EPB41L2: variants seen among roughly 807,000 people sequenced by gnomAD.
EPB41L2 encodes band 4.1-like protein 2.
A neutral mutation model predicts 113.0 loss-of-function variants in EPB41L2; 43 were observed. The observed-to-expected ratio is 0.38, with a 90% confidence interval of 0.30 to 0.49. The LOEUF is 0.49. Among genes scored for constraint, EPB41L2 ranks in the 20% least tolerant of loss-of-function variants. The probability of loss-of-function intolerance (pLI) is 0.95; values close to 1 mark genes in which losing one functional copy is unlikely to be tolerated. For missense variants in EPB41L2, 1,147 were observed against 1,223.4 expected (o/e 0.94, Z 0.93); for synonymous variants, 442 against 436.7 (o/e 1.01, Z -0.15).
At position 130,991,598 on chromosome 6, in the gene EPB41L2, C is replaced by T. The variant is rs542052206; in HGVS notation, c.-14-35099G>A. ...GCAATGTCCAATATTACTTGAACTC[C>T]ACTACGTATCTACTTCTTTTTTTAT... On this transcript the variant is annotated intron_variant, in intron 1 of 19. Transcript: ENST00000337057. 2.6e-5 allele frequency among the ~76,000 whole-genome samples: 4 copies of T among 152,268 alleles called. No homozygotes were observed. The East Asian group carries it at 7.7e-4, about 29-fold the overall frequency.
intron 1 of EPB41L2, among the ~76,000 whole-genome samples, chr6:131,012,176 G>A (rs930601190): frequency 6.6e-6 from 1 of 151,874 alleles, no homozygotes. Context: ...CTGCACTCCA[G>A]GCTGGGCAAC....
At chr6:130,859,913 C>A (rs905265537) in intron 18 of EPB41L2, among the ~76,000 whole-genome samples, 1 of 152,140 alleles carries the variant, frequency 6.6e-6, no homozygotes, top group Non-Finnish European at 1.5e-5. Flanking sequence ...CCAATCTGGG[C>A]AGTAGCAGAA....
intron 15 of EPB41L2, chr6:130,867,921 A>G (rs1367156677): frequency 3.0e-6 from 1 of 329,060 alleles, no homozygotes; most frequent in Non-Finnish European, 5.8e-6. Context: ...CTTTTATGTC[A>G]AGCCTAGTGT....
rs1378576319 is a variant in EPB41L2, at chr6:130,869,915, T to G, written c.2255A>C (p.Asp752Ala). The G allele has an allele frequency of 1.9e-6, 3 of 1,612,754 alleles. No individual in the cohort carries two copies. The highest frequency in any genetic ancestry group is 4.5e-5 in the East Asian group (2 of 44,862). Reference protein sequence around the residue: ...SSSSSESEEEDVGEYRPHHRV... With the variant: ...SSSSSESEEEAVGEYRPHHRV... ...GTGGTGGGGACGGTACTCTCCCACG[T>G]CTTCCTCCTCACTCTCACTGCTGCT... Residue 752 changes from aspartate to alanine, a missense_variant, in exon 15 of 20, where the codon GAC becomes GCC. Physicochemically the swap from Asp to Ala is moderately radical, Grantham distance 126 (BLOSUM62 -2). Coordinates refer to ENST00000337057, the MANE Select transcript of EPB41L2 (RefSeq NM_001431.4).
intron 4 of EPB41L2, among the ~76,000 whole-genome samples, chr6:130,925,837 G>A (rs1293981355): frequency 6.6e-6 from 1 of 152,128 alleles, no homozygotes; most frequent in African/African-American, 2.4e-5. Context: ...GTATTCAGCA[G>A]GCAGGCATGT....
intron 1 of EPB41L2, among the ~76,000 whole-genome samples, chr6:131,010,394 T>C (rs939805792): frequency 4.0e-5 from 6 of 151,432 alleles, no homozygotes; most frequent in East Asian, 1.9e-4. Flanking sequence ...TTCTTCCTGA[T>C]AGAAATAAAG....
chr6:130,875,825 G>A (rs971203158), intron 14 of EPB41L2, among the ~76,000 whole-genome samples: 14 of 151,786 alleles, frequency 9.2e-5, no homozygotes, highest in South Asian at 8.3e-4. Context: ...GTGAAACCCC[G>A]TCTCAACTAA....
chr6:130,863,502 A>G (rs1782785722), intron 18 of EPB41L2, 136 bp downstream of exon 18: 2 of 603,570 alleles, frequency 3.3e-6, no homozygotes, highest in Non-Finnish European at 5.9e-6. Flanking sequence ...CTGTGTCTTT[A>G]TGTCCTGCTT....
At chr6:131,037,584 A>ATT (rs1328285948) in intron 1 of EPB41L2, among the ~76,000 whole-genome samples, 1,192 of 101,814 alleles carry the variant, frequency 0.012, 6 homozygotes, top group South Asian at 0.026. Context: ...GAAAACCTAA[A>ATT]ATTTTTTTTT....
intron 1 of EPB41L2, among the ~76,000 whole-genome samples, chr6:130,963,508 T>C (rs573380237): frequency 5.0e-4 from 76 of 152,268 alleles, no homozygotes; most frequent in African/African-American, 1.7e-3. Context: ...AACATATGAG[T>C]CCCTTTCTTC....
At chr6:130,898,960 C>T (rs1009764142) in intron 8 of EPB41L2, among the ~76,000 whole-genome samples, 2 of 152,102 alleles carry the variant, frequency 1.3e-5, no homozygotes, top group Admixed American at 1.3e-4. Flanking sequence ...ACTGAAGGTG[C>T]TTTATCACCC....
At chr6:130,888,056 T>C (rs995377773) in intron 11 of EPB41L2, among the ~76,000 whole-genome samples, 1 of 152,334 alleles carries the variant, frequency 6.6e-6, no homozygotes, top group Admixed American at 6.5e-5. Context: ...GTGAGGCTAA[T>C]ATACCTAAAT....
intron 4 of EPB41L2, among the ~76,000 whole-genome samples, chr6:130,919,541 T>G (rs138994647): frequency 6.6e-6 from 1 of 152,168 alleles, no homozygotes; most frequent in Admixed American, 6.5e-5. Context: ...TTCAACATCT[T>G]TGAACATTCA....
chr6:130,996,068 G>C (rs1202776968), intron 1 of EPB41L2, among the ~76,000 whole-genome samples: 2 of 152,136 alleles, frequency 1.3e-5, no homozygotes, highest in Non-Finnish European at 2.9e-5. Context: ...CTCTTCTTTG[G>C]AGAGGGACTG....
At chr6:130,913,283 C>A (rs1488456760) in intron 4 of EPB41L2, among the ~76,000 whole-genome samples, 1 of 152,210 alleles carries the variant, frequency 6.6e-6, no homozygotes, top group Non-Finnish European at 1.5e-5. Context: ...TTACTGAAGG[C>A]TGAAATGGCT....
intron 19 of EPB41L2, among the ~76,000 whole-genome samples, chr6:130,840,839 G>C (rs1221896143): frequency 7.9e-5 from 12 of 152,090 alleles, no homozygotes; most frequent in Admixed American, 7.2e-4. Flanking sequence ...GCAAATAAGA[G>C]TTCACTGCAA....
intron 1 of EPB41L2, among the ~76,000 whole-genome samples, chr6:131,009,392 T>A (rs565130686): frequency 1.3e-5 from 2 of 152,192 alleles, no homozygotes; most frequent in African/African-American, 4.8e-5. Context: ...CTCGGGTATT[T>A]GTTCATAGCA....
chr6:130,967,871 A>G (rs1160898856), intron 1 of EPB41L2, among the ~76,000 whole-genome samples: 1 of 152,156 alleles, frequency 6.6e-6, no homozygotes, highest in African/African-American at 2.4e-5. Context: ...GGGAACATTT[A>G]TTTGGGCCAC....
intron 4 of EPB41L2, among the ~76,000 whole-genome samples, chr6:130,925,433 C>T (rs1439596064): frequency 1.3e-5 from 2 of 152,106 alleles, no homozygotes; most frequent in Non-Finnish European, 2.9e-5. Context: ...AAGTGATCCG[C>T]CCGCCTCGGC....
Sources: allele counts gnomAD v4.1 joint callset (sites outside exome capture counted in the v4.1 genomes callset), GRCh38; gene constraint gnomAD v4.1.1; transcripts MANE v1.5; gene names NCBI Gene and HGNC (gene_info 2026-07-23, HGNC 2026-07-21).